CADM2: variants seen among roughly 807,000 people sequenced by gnomAD.
CADM2 encodes the protein immunoglobulin superfamily member 4D.
In CADM2, 12 loss-of-function variants were observed where a neutral mutation model predicts 49.8. The ratio of observed to expected loss-of-function variants is 0.24; its 90% confidence interval spans 0.15 to 0.39. CADM2 has a LOEUF of 0.39. CADM2 is among the 10% of genes least tolerant of loss of function. The pLI is 1.00. For missense variants in CADM2, 378 were observed against 492.3 expected (o/e 0.77, Z 2.20); for synonymous variants, 214 against 175.4 (o/e 1.22, Z -1.74).
intron 1 of CADM2, among the ~76,000 whole-genome samples, chr3:85,134,166 G>T (rs896873922): frequency 1.3e-5 from 2 of 152,224 alleles, no homozygotes; most frequent in Non-Finnish European, 2.9e-5. Flanking sequence ...TGCGGGGTCC[G>T]CCAAGCCCAC....
chr3:85,501,158 A>T (rs943275034), intron 1 of CADM2, among the ~76,000 whole-genome samples: 10 of 152,208 alleles, frequency 6.6e-5, no homozygotes, highest in African/African-American at 1.9e-4. Flanking sequence ...ACATCTTTAT[A>T]TCAAGCCTTT....
At chr3:85,778,696 G>T (rs1172300082) in intron 2 of CADM2, among the ~76,000 whole-genome samples, 2 of 152,066 alleles carry the variant, frequency 1.3e-5, no homozygotes, top group Non-Finnish European at 2.9e-5. Flanking sequence ...AGAAATGTGA[G>T]AATGGAATAA....
chr3:85,106,181 G>T (rs1247565749), intron 1 of CADM2, among the ~76,000 whole-genome samples: 1 of 152,152 alleles, frequency 6.6e-6, no homozygotes, highest in Admixed American at 6.6e-5. Flanking sequence ...GAAAATGGAA[G>T]CCAAGGGAAT....
chr3:85,019,070 C>A (rs2034385052), intron 1 of CADM2, among the ~76,000 whole-genome samples: 1 of 152,138 alleles, frequency 6.6e-6, no homozygotes, highest in African/African-American at 2.4e-5. Context: ...AACTTAGATA[C>A]AAAGTGCTAG....
intron 1 of CADM2, among the ~76,000 whole-genome samples, chr3:84,960,644 A>C (rs1197397878): frequency 3.9e-5 from 6 of 152,212 alleles, no homozygotes; most frequent in African/African-American, 1.4e-4. Context: ...CGACCGCAGC[A>C]GTGGAGGGAA....
chr3:85,636,777 A>G (rs1253520349), intron 1 of CADM2, among the ~76,000 whole-genome samples: 1 of 152,176 alleles, frequency 6.6e-6, no homozygotes, highest in Non-Finnish European at 1.5e-5. Context: ...ACTTATCATT[A>G]TATTATGATT....
chr3:85,854,917 G>T (rs1044411322), intron 3 of CADM2, among the ~76,000 whole-genome samples: 1 of 151,896 alleles, frequency 6.6e-6, no homozygotes, highest in Non-Finnish European at 1.5e-5. Context: ...CTCCACATTG[G>T]CCCAGAATAT....
intron 1 of CADM2, among the ~76,000 whole-genome samples, chr3:85,564,167 T>TTCTC (rs3086193): frequency 0.029 from 4,314 of 149,622 alleles, 202 homozygotes; most frequent in African/African-American, 0.099. Flanking sequence ...GAAAGCATGA[T>TTCTC]TCTCTCTCTC....
chr3:85,759,733 A>G (rs1272785205), intron 2 of CADM2, among the ~76,000 whole-genome samples: 1 of 152,144 alleles, frequency 6.6e-6, no homozygotes, highest in Admixed American at 6.5e-5. Flanking sequence ...ACCTGCCCAC[A>G]TAAAATTATG....
At chr3:85,046,320 C>CTTTTTTTT (rs924286569) in intron 1 of CADM2, among the ~76,000 whole-genome samples, 1 of 122,848 alleles carries the variant, frequency 8.1e-6, no homozygotes. Flanking sequence ...TTACAATTTT[C>CTTTTTTTT]TTTTTTTTTT....
At chr3:85,816,744 A>G (rs2073231437) in intron 3 of CADM2, among the ~76,000 whole-genome samples, 1 of 152,192 alleles carries the variant, frequency 6.6e-6, no homozygotes, top group Non-Finnish European at 1.5e-5. Context: ...ACGAAAAAGG[A>G]CAAAAACACA....
At chr3:85,005,113 A>G (rs112260927) in intron 1 of CADM2, among the ~76,000 whole-genome samples, 30 of 152,148 alleles carry the variant, frequency 2.0e-4, no homozygotes, top group African/African-American at 6.3e-4. Flanking sequence ...GTAAATAGCA[A>G]TAATAGGACA....
At chr3:86,055,678 T>C (rs1378679717) in intron 8 of CADM2, among the ~76,000 whole-genome samples, 2 of 152,006 alleles carry the variant, frequency 1.3e-5, no homozygotes, top group African/African-American at 4.8e-5. Context: ...GGAATAACTC[T>C]CACGACCTAA....
intron 1 of CADM2, among the ~76,000 whole-genome samples, chr3:85,476,898 AC>A (rs1371269976): frequency 1.2e-4 from 1 of 8,500 alleles, no homozygotes; most frequent in Non-Finnish European, 7.9e-4. Flanking sequence ...AAGATTTTAA[AC>A]ACACACACAC....
chr3:85,551,519 A>C (rs1215051690), intron 1 of CADM2, among the ~76,000 whole-genome samples: 4 of 152,014 alleles, frequency 2.6e-5, no homozygotes, highest in Non-Finnish European at 4.4e-5. Flanking sequence ...CATTTCTCTC[A>C]TTTCTTTAAA....
In CADM2 at chr3:85,442,588, GTATATATATATATATATATATATA is replaced by G. The variant is rs55882841; in HGVS notation, c.62-283912_62-283889del. ...TATTTAAAATAATGCTTATATATGAGTATATATATATATATATATATATATATATATATATATATATATATGAAT... is the reference window on the plus strand; with the variant it reads ...TATTTAAAATAATGCTTATATATGAGTATATATATATATATATATATGAAT... On this transcript the variant is annotated intron_variant, in intron 1 of 9. Coordinates refer to ENST00000383699, the MANE Select transcript of CADM2 (RefSeq NM_001167675.2). Among the ~76,000 whole-genome samples, 51 of 120,970 alleles carry G rather than the reference GTATATATATATATATATATATATA, an allele frequency of 4.2e-4. 1 individual carries two copies. The highest frequency in any genetic ancestry group is 1.9e-3 in the African/African-American group (42 of 22,170). 79.4% of individuals were successfully genotyped at this position (120,970 alleles called of 152,430 possible). A position where few individuals can be genotyped will look rare whatever the true frequency, so the allele number is the denominator to read the frequency against.
Position 85,952,774 on chromosome 3 carries a change from A to C in CADM2, c.792-8695A>C, listed in dbSNP as rs561767469. 1.0e-3 allele frequency among the ~76,000 whole-genome samples: 157 copies of C among 150,578 alleles called. 1 individual carries two copies. Among genetic ancestry groups the C allele is most frequent in the African/African-American group, 3.5e-3 (145 of 41,278 alleles). On this transcript the variant is annotated intron_variant, in intron 7 of 9. Coordinates refer to ENST00000383699, the MANE Select transcript of CADM2 (RefSeq NM_001167675.2). ...TATTGTTTATTATGTGCTTTCCTTT[A>C]TTATTTCTCTCCCTTATGTAGGAAC...
chr3:85,035,705 C>A (rs886449684), intron 1 of CADM2, among the ~76,000 whole-genome samples: 6 of 151,992 alleles, frequency 3.9e-5, no homozygotes, highest in Admixed American at 3.9e-4. Context: ...ATGTTTTTTG[C>A]ACTTTTGTCA....
chr3:85,401,917 A>T (rs999815617), intron 1 of CADM2, among the ~76,000 whole-genome samples: 1 of 152,156 alleles, frequency 6.6e-6, no homozygotes, highest in Non-Finnish European at 1.5e-5. Context: ...TATTTAAGAG[A>T]TATTTGGATT....
Sources: gnomAD v4.1 joint callset for allele counts (sites outside exome capture counted in the v4.1 genomes callset) on GRCh38, gnomAD v4.1.1 for gene constraint, MANE v1.5 for transcripts, NCBI Gene and HGNC (gene_info 2026-07-23, HGNC 2026-07-21) for gene names.